LOC400499: variants seen among roughly 807,000 people sequenced by gnomAD.
chr16:11,446,323 A>AT, the LOC400499 span, among the ~76,000 whole-genome samples: 1 of 105,334 alleles, frequency 9.5e-6, no homozygotes, highest in Non-Finnish European at 2.0e-5. Context: ...CTAATTAAAC[A>AT]ATTTTTTTTT....
At chr16:11,503,996 C>T in the LOC400499 span, among the ~76,000 whole-genome samples, 5 of 152,202 alleles carry the variant, frequency 3.3e-5, no homozygotes, top group Non-Finnish European at 7.3e-5. Context: ...CCCAGCTGCC[C>T]TTGGCACCCT....
the LOC400499 span, among the ~76,000 whole-genome samples, chr16:11,524,594 G>A: frequency 6.4e-4 from 97 of 152,260 alleles, 1 homozygote; most frequent in Middle Eastern, 0.01. Context: ...GCTCCCTGTT[G>A]AGTGTCTCCC....
chr16:11,498,406 C>A, the LOC400499 span, among the ~76,000 whole-genome samples: 1 of 152,058 alleles, frequency 6.6e-6, no homozygotes, highest in Non-Finnish European at 1.5e-5. Context: ...CACTTGAACC[C>A]GGGAGGTGGA....
chr16:11,471,695 G>A, the LOC400499 span: 4 of 399,004 alleles, frequency 1.0e-5, no homozygotes, highest in East Asian at 3.6e-5. Flanking sequence ...AGGTACTGTC[G>A]GAGCCCCGGG....
At chr16:11,463,871 G>A in the LOC400499 span, among the ~76,000 whole-genome samples, 4 of 152,092 alleles carry the variant, frequency 2.6e-5, no homozygotes, top group East Asian at 1.9e-4. Context: ...GCATATATAC[G>A]GATGCGTGCA....
the LOC400499 span, chr16:11,396,753 T>G: frequency 8.6e-7 from 1 of 1,163,182 alleles, no homozygotes; most frequent in African/African-American, 1.6e-5. Flanking sequence ...GCACCGAGAA[T>G]GCAGCAGCAG....
chr16:11,473,157 T>C, the LOC400499 span: 1 of 145,786 alleles, frequency 6.9e-6, no homozygotes, highest in Non-Finnish European at 1.5e-5. Context: ...AAAATGTACT[T>C]GTTGCAGGAA....
At chr16:11,460,879 C>A in the LOC400499 span, 1 of 1,431,230 alleles carries the variant, frequency 7.0e-7, no homozygotes, top group South Asian at 1.4e-5. Flanking sequence ...GACAGCGTAT[C>A]TCAGCTCACG....
the LOC400499 span, chr16:11,391,537 C>T: frequency 1.3e-6 from 1 of 751,624 alleles, no homozygotes; most frequent in Non-Finnish European, 1.8e-6. Context: ...GGGCTACAGG[C>T]CCATGGGAAG....
chr16:11,449,256 G>C, the LOC400499 span: 5 of 657,088 alleles, frequency 7.6e-6, no homozygotes, highest in Non-Finnish European at 1.1e-5. Context: ...AACCTGACTG[G>C]TGCAGGTAGG....
the LOC400499 span, among the ~76,000 whole-genome samples, chr16:11,483,326 G>T: frequency 6.6e-6 from 1 of 152,074 alleles, no homozygotes; most frequent in Admixed American, 6.6e-5. Flanking sequence ...AGAAACAAAA[G>T]CATATGCCTA....
At chr16:11,384,057 C>A in the LOC400499 span, 1 of 1,231,524 alleles carries the variant, frequency 8.1e-7, no homozygotes, top group East Asian at 3.2e-5. Flanking sequence ...CCATGTGGCT[C>A]CCCCGCGTAC....
the LOC400499 span, among the ~76,000 whole-genome samples, chr16:11,387,447 C>G: frequency 6.6e-6 from 1 of 152,074 alleles, no homozygotes; most frequent in East Asian, 1.9e-4. Flanking sequence ...TTGGGAAATC[C>G]CATCATGAGG....
At chr16:11,383,088 CGGAGT>C in the LOC400499 span, among the ~76,000 whole-genome samples, 15,245 of 147,012 alleles carry the variant, frequency 0.1, 876 homozygotes, top group Non-Finnish European at 0.13. Context: ...TTTTTTGAGA[CGGAGT>C]CTCACTCTGT....
the LOC400499 span, among the ~76,000 whole-genome samples, chr16:11,464,351 C>CA: frequency 6.6e-6 from 1 of 152,244 alleles, no homozygotes; most frequent in Non-Finnish European, 1.5e-5. Flanking sequence ...CAGTGCTCGT[C>CA]AGAGCTTCCT....
chr16:11,524,972 G>C, the LOC400499 span, among the ~76,000 whole-genome samples: 13 of 152,148 alleles, frequency 8.5e-5, no homozygotes, highest in African/African-American at 2.9e-4. Context: ...TACACTTGCT[G>C]ACCTGTTTAA....
chr16:11,394,757 T>C, the LOC400499 span, among the ~76,000 whole-genome samples: 36,887 of 152,060 alleles, frequency 0.24, 4,755 homozygotes, highest in African/African-American at 0.33. Context: ...CAGAGACTGG[T>C]GTGATGCCAC....
At chr16:11,456,021 G>T in the LOC400499 span, among the ~76,000 whole-genome samples, 3 of 147,068 alleles carry the variant, frequency 2.0e-5, no homozygotes, top group Non-Finnish European at 3.0e-5. Flanking sequence ...TGAAAAAATG[G>T]AAAAAAAAAT....
At chr16:11,502,458 A>G in the LOC400499 span, among the ~76,000 whole-genome samples, 1 of 152,234 alleles carries the variant, frequency 6.6e-6, no homozygotes, top group Admixed American at 6.5e-5. Context: ...TGCACTCAGG[A>G]TATGGCAGTG....
Sources: gnomAD v4.1 joint callset for allele counts (sites outside exome capture counted in the v4.1 genomes callset) on GRCh38, gnomAD v4.1.1 for gene constraint, MANE v1.5 for transcripts.